Variants in NRXN3 observed in about 807,000 individuals in gnomAD.
NRXN3 encodes the protein neurexin 3.
Under a neutral mutation model 137.6 loss-of-function variants are expected in NRXN3, and 32 were observed. That is an observed-to-expected ratio of 0.23 (90% CI 0.18 to 0.31). The LOEUF (loss-of-function observed/expected upper bound fraction) is 0.31, where lower values mean the gene tolerates loss of function less well. Ranked by LOEUF, NRXN3 falls within the 10% of genes least tolerant of loss-of-function variation. The pLI, the probability that NRXN3 is intolerant of heterozygous loss-of-function variation, is 1.00. For missense variants in NRXN3, 1,574 were observed against 2,062.5 expected, an observed-to-expected ratio of 0.76 and a Z score of 4.59; for synonymous variants, 798 against 784.5, an observed-to-expected ratio of 1.02 and a Z score of -0.29.
rs879273515 is a variant in NRXN3 at position 79,759,444 on chromosome 14, T to TA, written c.4015-45658dup. 1.6e-3 allele frequency among the ~76,000 whole-genome samples: 230 copies of TA among 148,204 alleles called. 1 individual carries two copies. The highest frequency in any genetic ancestry group is 4.0e-3 in the Admixed American group (59 of 14,904). On this transcript the variant is annotated intron_variant, in intron 19 of 20. Transcript: ENST00000335750. ...TGGTCCTAGGAGTATTCAGAGTAAA[T>TA]AAAAAAAAAATACCTTACGTATACT...
In NRXN3 at chr14:79,124,945, G is replaced by A. The variant is rs140140721; in HGVS notation, c.3262+136804G>A. On this transcript the variant is annotated intron_variant, in intron 15 of 20. Coordinates refer to ENST00000335750, the MANE Select transcript of NRXN3 (RefSeq NM_001330195.2). ...CTGAATTACATGCAGTTCCTAGAAA[G>A]CAAGCTATAATTACATTATTCAAGA... Among the ~76,000 whole-genome samples the A allele has an allele frequency of 2.8e-3, 431 of 152,180 alleles. 1 individual carries two copies. The highest frequency in any genetic ancestry group is 9.9e-3 in the African/African-American group (412 of 41,518).
chr14:78,594,488 C>A (rs149950662), intron 4 of NRXN3, among the ~76,000 whole-genome samples: 17 of 152,282 alleles, frequency 1.1e-4, no homozygotes, highest in Non-Finnish European at 2.5e-4. Context: ...GAACCACTTA[C>A]CCAGGTCATG....
chr14:79,532,966 A>G (rs1281986106), intron 16 of NRXN3, among the ~76,000 whole-genome samples: 2 of 152,124 alleles, frequency 1.3e-5, no homozygotes, highest in African/African-American at 2.4e-5. Flanking sequence ...TCTATTCCCA[A>G]AGGTTATGAT....
chr14:79,025,138 G>A (rs1042187279), intron 15 of NRXN3, among the ~76,000 whole-genome samples: 1 of 152,212 alleles, frequency 6.6e-6, no homozygotes, highest in South Asian at 2.1e-4. Context: ...TCTTGGCAAT[G>A]TCCTGATATT....
At chr14:78,546,914 G>T (rs12896212) in intron 4 of NRXN3, among the ~76,000 whole-genome samples, 35,719 of 152,004 alleles carry the variant, frequency 0.23, 4,468 homozygotes, top group Middle Eastern at 0.32. Flanking sequence ...GAGGTCAAGT[G>T]GTGAATGTGG....
At chr14:79,821,685 T>TTG (rs1555768736) in intron 20 of NRXN3, among the ~76,000 whole-genome samples, 29 of 150,288 alleles carry the variant, frequency 1.9e-4, no homozygotes, top group Admixed American at 1.3e-3. Flanking sequence ...TTTTTTTTTT[T>TTG]GCATGTCTTT....
intron 8 of NRXN3, 105 bp from the exon 9 acceptor site, chr14:78,803,515 C>A: frequency 2.0e-6 from 2 of 1,001,530 alleles, no homozygotes; most frequent in Non-Finnish European, 3.1e-6. Flanking sequence ...AGTCACTAGG[C>A]TACAAATCTG....
chr14:79,673,942 A>C (rs1467119827), intron 17 of NRXN3, among the ~76,000 whole-genome samples: 1 of 152,054 alleles, frequency 6.6e-6, no homozygotes, highest in African/African-American at 2.4e-5. Flanking sequence ...GAATACCTGG[A>C]ACTGAAGCCT....
rs1409987646 is a variant in NRXN3 at position 79,733,671 on chromosome 14, G to GT, written c.4014+35736dup. 5.3e-3 allele frequency among the ~76,000 whole-genome samples: 506 copies of GT among 94,804 alleles called. 2 individuals are homozygous for GT. Among genetic ancestry groups the GT allele is most frequent in the African/African-American group, 0.019 (496 of 26,356 alleles). 62.2% of individuals were successfully genotyped at this position (94,804 alleles called of 152,430 possible). A position where few individuals can be genotyped will look rare whatever the true frequency, so the allele number is the denominator to read the frequency against. Reference sequence around the variant, plus strand: ...TGAAGCCCACATTTGGTTTGCTGTTGTTGTTTTTTTTTTTTTTATAACTGT... The same window carrying GT: ...TGAAGCCCACATTTGGTTTGCTGTTGTTTGTTTTTTTTTTTTTTATAACTGT... On this transcript the variant is annotated intron_variant, in intron 19 of 20. Transcript: ENST00000335750.
At chr14:78,456,857 T>C (rs201130303) in intron 4 of NRXN3, among the ~76,000 whole-genome samples, 167 of 29,042 alleles carry the variant, frequency 5.8e-3, no homozygotes, top group Non-Finnish European at 0.011. Flanking sequence ...TTCTTTCTTT[T>C]TCTCTTTCTT....
intron 16 of NRXN3, among the ~76,000 whole-genome samples, chr14:79,612,026 T>A (rs2098109686): frequency 6.6e-6 from 1 of 152,164 alleles, no homozygotes; most frequent in Non-Finnish European, 1.5e-5. Context: ...ATATATAATA[T>A]GCTATGGTAA....
chr14:79,433,844 CTGTGTGTTTAAT>C (rs1349500271), intron 15 of NRXN3, among the ~76,000 whole-genome samples: 6 of 152,188 alleles, frequency 3.9e-5, no homozygotes, highest in Non-Finnish European at 8.8e-5. Flanking sequence ...AAGCCTTTAA[CTGTGTGTTTAAT>C]TATCACCTGG....
intron 4 of NRXN3, among the ~76,000 whole-genome samples, chr14:78,308,011 C>A (rs4903744): frequency 3.3e-5 from 5 of 152,018 alleles, no homozygotes; most frequent in African/African-American, 1.2e-4. Context: ...AAGTGCTTCC[C>A]TGCAGGTTGG....
intron 15 of NRXN3, among the ~76,000 whole-genome samples, chr14:79,085,746 C>A (rs188221716): frequency 3.3e-5 from 5 of 152,212 alleles, no homozygotes; most frequent in Middle Eastern, 6.8e-3. Context: ...GGGAAAAAGT[C>A]TGAATGCAAG....
chr14:79,418,797 G>A (rs545045699), intron 15 of NRXN3, among the ~76,000 whole-genome samples: 1 of 152,090 alleles, frequency 6.6e-6, no homozygotes, highest in South Asian at 2.1e-4. Flanking sequence ...AAACTAAGAG[G>A]GTAAACAGCA....
At chr14:79,148,396 A>G (rs2059497043) in intron 15 of NRXN3, among the ~76,000 whole-genome samples, 1 of 152,174 alleles carries the variant, frequency 6.6e-6, no homozygotes, top group Non-Finnish European at 1.5e-5. Context: ...TAAATCAGAT[A>G]CAGAGCCAAG....
At chr14:79,484,225 T>G (rs1393665210) in intron 16 of NRXN3, among the ~76,000 whole-genome samples, 1 of 152,172 alleles carries the variant, frequency 6.6e-6, no homozygotes, top group East Asian at 1.9e-4. Flanking sequence ...AAACAAAGGC[T>G]TTTCTTTCTT....
At chr14:78,630,134 A>T (rs1344797391) in intron 4 of NRXN3, among the ~76,000 whole-genome samples, 1 of 152,186 alleles carries the variant, frequency 6.6e-6, no homozygotes. Flanking sequence ...ATTTCTAGGC[A>T]AATTGGGATG....
chr14:79,262,830 G>A (rs909999857), intron 15 of NRXN3, among the ~76,000 whole-genome samples: 1 of 152,164 alleles, frequency 6.6e-6, no homozygotes, highest in Non-Finnish European at 1.5e-5. Flanking sequence ...TGGCTCCTGG[G>A]TGGATAGCAA....
Sources: allele counts gnomAD v4.1 joint callset (sites outside exome capture counted in the v4.1 genomes callset), GRCh38; gene constraint gnomAD v4.1.1; transcripts MANE v1.5; gene names NCBI Gene and HGNC (gene_info 2026-07-23, HGNC 2026-07-21).